RXRG: variants seen among roughly 807,000 people sequenced by gnomAD.
RXRG encodes the protein retinoic acid receptor RXR-gamma.
RXRG carries 19 observed loss-of-function variants against 49.2 expected under a neutral mutation model. The ratio of observed to expected loss-of-function variants is 0.39; its 90% CI spans 0.27 to 0.57. The LOEUF (loss-of-function observed/expected upper bound fraction) is 0.57. Among genes scored for constraint, RXRG ranks in the 20% least tolerant of loss-of-function variants. The pLI, the probability that RXRG is intolerant of heterozygous loss-of-function variation, is 0.64. For missense variants in RXRG, 452 were observed against 592.5 expected (o/e 0.76, Z 2.46); for synonymous variants, 224 against 216.6 (o/e 1.03, Z -0.30).
At chr1:165,434,318 G>T (rs74966803) in intron 1 of RXRG, among the ~76,000 whole-genome samples, 2 of 150,150 alleles carry the variant, frequency 1.3e-5, no homozygotes, top group African/African-American at 2.5e-5. Flanking sequence ...GTCAGAGAGA[G>T]AGACTTACTG....
chr1:165,425,868 G>T (rs955399236), intron 2 of RXRG, among the ~76,000 whole-genome samples: 3 of 152,340 alleles, frequency 2.0e-5, no homozygotes, highest in African/African-American at 7.2e-5. Context: ...AAGATTACCC[G>T]GGAGCACTGA....
chr1:165,410,929 G>A lies in RXRG; in HGVS notation c.783+20C>T. 2 of 1,613,854 alleles carry A rather than the reference G, an allele frequency of 1.2e-6. No homozygotes were observed. The highest frequency in any genetic ancestry group is 1.7e-6 in the Non-Finnish European group (2 of 1,179,830). ...CCTACCCAAGAAATGGAACACACAT[G>A]TGTGTCTAAGAGCACATACCGAGTT... On this transcript the variant is annotated intron_variant, in intron 5 of 9. Coordinates refer to ENST00000359842, the MANE Select transcript of RXRG (RefSeq NM_006917.5).
chr1:165,412,728 C>T (rs896402410), intron 4 of RXRG, among the ~76,000 whole-genome samples: 1 of 152,188 alleles, frequency 6.6e-6, no homozygotes, highest in African/African-American at 2.4e-5. Flanking sequence ...GCTCATCTCT[C>T]CATCTCCCTT....
intron 9 of RXRG, among the ~76,000 whole-genome samples, chr1:165,406,092 G>T (rs898648811): frequency 9.8e-5 from 15 of 152,314 alleles, no homozygotes; most frequent in African/African-American, 3.6e-4. Flanking sequence ...ACTGGCATTA[G>T]CAGAGAGGGA....
At chr1:165,437,038 G>C in intron 1 of RXRG, 1 of 1,248,828 alleles carries the variant, frequency 8.0e-7, no homozygotes, top group South Asian at 1.5e-5. Context: ...GGTTGCCTGG[G>C]TTTCATTTCT....
Position 165,408,269 on chromosome 1 carries a change from A to C in RXRG, c.1096T>G (p.Ser366Ala). Residue 366 changes from serine to alanine, a missense_variant, in exon 8 of 10, where the codon TCG becomes GCG. Transcript: ENST00000359842. Reference sequence around the variant, plus strand: ...ATGGCTCGCAGGCATCCCAGTTCCGACTTGTCCATCTGCATGTCTTTCATT... The same window carrying C: ...ATGGCTCGCAGGCATCCCAGTTCCGCCTTGTCCATCTGCATGTCTTTCATT... The part of the protein sequence containing the change: ...SKMKDMQMDK[S>A]ELGCLRAIVL... The C allele has an allele frequency of 6.2e-7, 1 of 1,614,042 alleles. No homozygotes were observed. Among genetic ancestry groups the C allele is most frequent in the Non-Finnish European group, 8.5e-7 (1 of 1,179,984 alleles).
At chr1:165,401,697 G>T (rs1413787390) in intron 9 of RXRG, among the ~76,000 whole-genome samples, 1 of 152,224 alleles carries the variant, frequency 6.6e-6, no homozygotes, top group Non-Finnish European at 1.5e-5. Flanking sequence ...GTGGAGAAGA[G>T]GAAGAACTAG....
intron 2 of RXRG, among the ~76,000 whole-genome samples, chr1:165,425,622 T>A (rs569912818): frequency 1.3e-5 from 2 of 152,348 alleles, no homozygotes; most frequent in South Asian, 2.1e-4. Context: ...TCATACATTA[T>A]GAAGCATAGG....
At chr1:165,434,478 G>T (rs1557925511) in intron 1 of RXRG, among the ~76,000 whole-genome samples, 1 of 152,230 alleles carries the variant, frequency 6.6e-6, no homozygotes, top group Non-Finnish European at 1.5e-5. Context: ...CAAATGGCCT[G>T]GTGTTTCCAC....
chr1:165,401,176 G>A lies in RXRG; in HGVS notation c.*87C>T. 7.8e-7 allele frequency: 1 copy of A among 1,287,110 alleles called. No homozygotes were observed. Among genetic ancestry groups the A allele is most frequent in the Non-Finnish European group, 1.1e-6 (1 of 912,546 alleles). 79.7% of individuals were successfully genotyped at this position (1,287,110 alleles called of 1,614,324 possible). ...TTTTGGGGACAGGAAGGGGGTCAGG[G>A]TGGGAGGTGGAGGAAAGTGCAGGGT... is the stretch of plus-strand genomic sequence containing the variant. On this transcript the variant is annotated 3_prime_UTR_variant, in exon 10 of 10. Transcript: ENST00000359842.
At chr1:165,401,481 G>A (rs1571259447) in intron 9 of RXRG, 71 bp from the exon 10 acceptor site, 2 of 1,579,532 alleles carry the variant, frequency 1.3e-6, no homozygotes, top group East Asian at 4.5e-5. Flanking sequence ...GCTGGCAGGA[G>A]GCCGTCCAAT....
chr1:165,423,967 A>C (rs1309690105), intron 2 of RXRG, among the ~76,000 whole-genome samples: 1 of 152,208 alleles, frequency 6.6e-6, no homozygotes, highest in Non-Finnish European at 1.5e-5. Flanking sequence ...ATATCTAAGC[A>C]GAAATTAGCA....
In RXRG at chr1:165,408,858, A is replaced by G. The variant is rs118084776; in HGVS notation, c.1047-540T>C. 1.8e-3 allele frequency among the ~76,000 whole-genome samples: 273 copies of G among 152,314 alleles called. 8 individuals are homozygous for G. The East Asian group carries it at 0.048, about 27-fold the overall frequency. ...ACATGACCAAAGAAGACCATTTACG[A>G]TGGAGGTAGAAAGGGACAACGGGGC... On this transcript the variant is annotated intron_variant, in intron 7 of 9. Transcript: ENST00000359842.
Position 165,417,033 on chromosome 1 carries a change from T to C in RXRG, c.622+8A>G. 1 of 1,609,580 alleles carries C rather than the reference T, an allele frequency of 6.2e-7. No homozygotes were observed. Among genetic ancestry groups the C allele is most frequent in the Non-Finnish European group, 8.5e-7 (1 of 1,177,266 alleles). On this transcript the variant is annotated splice_region_variant and intron_variant, in intron 4 of 9. Coordinates refer to ENST00000359842, the MANE Select transcript of RXRG (RefSeq NM_006917.5). ...CGGACACGAGTTTTGGAACTGAATG[T>C]GTCTCACCTTCCCTCTTCATGCCCA... is the stretch of plus-strand genomic sequence containing the variant.
chr1:165,436,298 G>A (rs1021776264), intron 1 of RXRG, among the ~76,000 whole-genome samples: 3 of 152,216 alleles, frequency 2.0e-5, no homozygotes, highest in Admixed American at 2.0e-4. Flanking sequence ...AAGGGGAGTA[G>A]AGGGGGCTGA....
chr1:165,421,689 T>TCATCCAAAAAA (rs1296892247), intron 2 of RXRG, among the ~76,000 whole-genome samples: 1 of 152,010 alleles, frequency 6.6e-6, no homozygotes, highest in Non-Finnish European at 1.5e-5. Flanking sequence ...GCCACGACAC[T>TCATCCAAAAAA]TAGCTAACTT....
chr1:165,440,470 C>T (rs2101749130), intron 1 of RXRG, among the ~76,000 whole-genome samples: 1 of 152,192 alleles, frequency 6.6e-6, no homozygotes, highest in Non-Finnish European at 1.5e-5. Flanking sequence ...ATCTATAATC[C>T]AGAAATCTGA....
At chr1:165,420,798 A>C (rs2101724582) in intron 2 of RXRG, among the ~76,000 whole-genome samples, 1 of 152,282 alleles carries the variant, frequency 6.6e-6, no homozygotes, top group African/African-American at 2.4e-5. Flanking sequence ...AGCAATAGAA[A>C]CCCAGAAGGT....
chr1:165,409,551 G>A lies in RXRG; in HGVS notation c.1046+7C>T, dbSNP rs762420253. On this transcript the variant is annotated splice_region_variant and intron_variant, in intron 7 of 9. Transcript: ENST00000359842. Reference sequence around the variant, plus strand: ...ACACACAAATACTGGAAGCAGGAGAGAGACACCTGTCAAAGATGGAGCCGA... The same window carrying A: ...ACACACAAATACTGGAAGCAGGAGAAAGACACCTGTCAAAGATGGAGCCGA... The A allele has an allele frequency of 4.1e-6, 6 of 1,469,476 alleles. No individual in the cohort carries two copies. The South Asian group carries it at 4.7e-5, about 11-fold the overall frequency. The allele number at this position is 1,469,476 out of a possible 1,614,324, so 91.0% of individuals were successfully genotyped here.
Sources: gnomAD v4.1 joint callset for allele counts (sites outside exome capture counted in the v4.1 genomes callset) on GRCh38, gnomAD v4.1.1 for gene constraint, MANE v1.5 for transcripts, NCBI Gene and HGNC (gene_info 2026-07-23, HGNC 2026-07-21) for gene names.